SEPTIN14: variants seen among roughly 807,000 people sequenced by gnomAD.
SEPTIN14 encodes septin-14.
Under a neutral mutation model 53.6 loss-of-function variants are expected in SEPTIN14, and 40 were observed. That is an observed-to-expected ratio of 0.75 (90% CI 0.58 to 0.97). The LOEUF is 0.97. SEPTIN14 is among the 50% of genes least tolerant of loss of function. The pLI is 0.00. For missense variants in SEPTIN14, 471 were observed against 508.2 expected (o/e 0.93, Z 0.70); for synonymous variants, 138 against 166.8 (o/e 0.83, Z 1.33).
At chr7:55,845,509 G>A (rs1789387349) in intron 3 of SEPTIN14, among the ~76,000 whole-genome samples, 1 of 152,078 alleles carries the variant, frequency 6.6e-6, no homozygotes. Flanking sequence ...TATAGTCAAT[G>A]TATTGTATAT....
At chr7:55,802,466 T>C (rs917620183) in intron 9 of SEPTIN14, among the ~76,000 whole-genome samples, 1 of 152,132 alleles carries the variant, frequency 6.6e-6, no homozygotes, top group African/African-American at 2.4e-5. Context: ...GATCGCACAT[T>C]AAATATCAGA....
At position 55,793,614 on chromosome 7, in the gene SEPTIN14, G is replaced by C. The variant is rs558838765; in HGVS notation, c.*2299C>G. 6.6e-6 allele frequency: 1 copy of C among 152,256 alleles called. No homozygotes were observed. Among genetic ancestry groups the C allele is most frequent in the East Asian group, 1.9e-4 (1 of 5,192 alleles). 9.4% of individuals were successfully genotyped at this position (152,256 alleles called of 1,614,324 possible). The stretch of plus-strand genomic sequence containing the variant: ...ATGCATAAAATGTAATTATAAATCT[G>C]TTAGGTGGTGTACAATGAATAAAGA... On this transcript the variant is annotated 3_prime_UTR_variant, in exon 10 of 10. Transcript: ENST00000388975.
At chr7:55,801,998 CTTTT>C (rs769073126) in intron 9 of SEPTIN14, among the ~76,000 whole-genome samples, 10 of 139,568 alleles carry the variant, frequency 7.2e-5, no homozygotes, top group Non-Finnish European at 1.4e-4. Flanking sequence ...AGTATGGTTT[CTTTT>C]TTTTTTTTTT....
intron 9 of SEPTIN14, chr7:55,798,139 C>G (rs1788462369): frequency 2.0e-5 from 4 of 199,130 alleles, no homozygotes; most frequent in Middle Eastern, 5.4e-4. Flanking sequence ...GGCTGTGTTC[C>G]CCTGGTACTC....
chr7:55,797,368 A>T (rs1788448596), intron 9 of SEPTIN14, among the ~76,000 whole-genome samples: 1 of 152,258 alleles, frequency 6.6e-6, no homozygotes, highest in African/African-American at 2.4e-5. Flanking sequence ...ATAATCAAAT[A>T]GTCAAAAGTC....
At chr7:55,847,629 C>T (rs1789436821) in intron 2 of SEPTIN14, among the ~76,000 whole-genome samples, 1 of 152,052 alleles carries the variant, frequency 6.6e-6, no homozygotes, top group Non-Finnish European at 1.5e-5. Context: ...TGAAAAACAG[C>T]ACTATTATAG....
chr7:55,810,933 G>T, intron 7 of SEPTIN14: 2 of 387,244 alleles, frequency 5.2e-6, no homozygotes, highest in South Asian at 4.3e-5. Flanking sequence ...AGCACAGCTT[G>T]ACCTTTCCCT....
chr7:55,842,061 A>G (rs1289881788), intron 5 of SEPTIN14, among the ~76,000 whole-genome samples: 2 of 152,078 alleles, frequency 1.3e-5, no homozygotes, highest in Non-Finnish European at 1.5e-5. Context: ...ATAGATACAC[A>G]GATACTTACC....
chr7:55,809,585 G>C (rs932685035), intron 7 of SEPTIN14, among the ~76,000 whole-genome samples: 2 of 151,348 alleles, frequency 1.3e-5, no homozygotes, highest in African/African-American at 4.9e-5. Context: ...TTGAACTCCT[G>C]AACTCAGGTG....
At chr7:55,856,984 C>T (rs569831663) in intron 2 of SEPTIN14, among the ~76,000 whole-genome samples, 3 of 151,794 alleles carry the variant, frequency 2.0e-5, no homozygotes, top group South Asian at 2.1e-4. Flanking sequence ...GCACGAGAAT[C>T]GGTTGAACCC....
At chr7:55,812,788 C>A (rs1788723775) in intron 7 of SEPTIN14, among the ~76,000 whole-genome samples, 1 of 152,094 alleles carries the variant, frequency 6.6e-6, no homozygotes, top group Admixed American at 6.6e-5. Context: ...CCTATGCCAT[C>A]TGACATTCAT....
intron 9 of SEPTIN14, among the ~76,000 whole-genome samples, chr7:55,802,513 A>T (rs1409519067): frequency 1.3e-5 from 2 of 151,746 alleles, no homozygotes; most frequent in African/African-American, 4.8e-5. Flanking sequence ...TGCAAGGATG[A>T]TTCAAATACA....
intron 6 of SEPTIN14, among the ~76,000 whole-genome samples, chr7:55,819,989 A>T (rs898689783): frequency 4.6e-5 from 7 of 152,046 alleles, no homozygotes; most frequent in African/African-American, 1.7e-4. Context: ...AATACTGTAT[A>T]TGTCTCAATA....
chr7:55,812,925 A>C (rs1446759428), intron 7 of SEPTIN14, among the ~76,000 whole-genome samples: 1 of 150,928 alleles, frequency 6.6e-6, no homozygotes, highest in Non-Finnish European at 1.5e-5. Flanking sequence ...AACATAGGGC[A>C]GAATTCTGCT....
At position 55,819,130 on chromosome 7, in the gene SEPTIN14, G is replaced by T; in HGVS notation, c.814C>A (p.Gln272Lys). The change falls in exon 7 of 10, where the codon CAA becomes AAA. Residue 272 changes from glutamine to lysine, a missense_variant. Physicochemically the swap from Gln to Lys is moderately conservative, Grantham distance 53. Coordinates refer to ENST00000388975, the MANE Select transcript of SEPTIN14 (RefSeq NM_207366.3). ...RGRHYPWGVL[Q>K]VENENHCDFV... ...GCCTGCCCTCTGTCATTTTTACCTT[G>T]CAAAACTCCCCAAGGGTAGTGACGG... The T allele has an allele frequency of 6.4e-7, 1 of 1,565,806 alleles. No individual in the cohort carries two copies. The highest frequency in any genetic ancestry group is 8.7e-7 in the Non-Finnish European group (1 of 1,150,380).
In SEPTIN14 at chr7:55,849,708, T is replaced by C. The variant is rs547398275; in HGVS notation, c.55-3071A>G. 3.9e-5 allele frequency among the ~76,000 whole-genome samples: 6 copies of C among 152,120 alleles called. No individual in the cohort carries two copies. In the South Asian group the frequency reaches 1.2e-3, roughly 32 times the overall value. On this transcript the variant is annotated intron_variant, in intron 2 of 9. Coordinates refer to ENST00000388975, the MANE Select transcript of SEPTIN14 (RefSeq NM_207366.3). ...TTGCGGTGAGCCGAGATCGCACCAC[T>C]GCACTCCAGCCTGGGCAACAGAGCA... is the stretch of plus-strand genomic sequence containing the variant.
In SEPTIN14 at chr7:55,846,510, C is replaced by T; in HGVS notation, c.175+7G>A. 1 of 1,568,150 alleles carries T rather than the reference C, an allele frequency of 6.4e-7. No individual in the cohort carries two copies. Among genetic ancestry groups the T allele is most frequent in the Non-Finnish European group, 8.6e-7 (1 of 1,160,384 alleles). ...GGAATAATTCAAATGAGGTGTTTGA[C>T]ACTTACCCACACAGAGAATATTAAA... is the stretch of plus-strand genomic sequence containing the variant. On this transcript the variant is annotated splice_region_variant and intron_variant, in intron 3 of 9. Coordinates refer to ENST00000388975, the MANE Select transcript of SEPTIN14 (RefSeq NM_207366.3).
chr7:55,861,885 G>T, intron 2 of SEPTIN14, 58 bp downstream of exon 2: 4 of 1,033,084 alleles, frequency 3.9e-6, no homozygotes, highest in Non-Finnish European at 4.1e-6. Flanking sequence ...ATATTTTTAG[G>T]CTATATAATC....
chr7:55,800,957 A>T (rs1427256691), intron 9 of SEPTIN14, among the ~76,000 whole-genome samples: 1 of 152,180 alleles, frequency 6.6e-6, no homozygotes, highest in African/African-American at 2.4e-5. Context: ...AAATATGTAT[A>T]CCTACTAGGT....
Sources: allele counts gnomAD v4.1 joint callset (sites outside exome capture counted in the v4.1 genomes callset), GRCh38; gene constraint gnomAD v4.1.1; transcripts MANE v1.5; gene names NCBI Gene and HGNC (gene_info 2026-07-23, HGNC 2026-07-21).